The following FNIP2 variants were observed in gnomAD, a reference collection of about 807,000 sequenced individuals.
The protein encoded by FNIP2 is folliculin interacting protein 2.
In FNIP2, 32 loss-of-function variants were observed where a neutral mutation model predicts 108.7. That is an observed-to-expected ratio of 0.29 (90% CI 0.22 to 0.40). FNIP2 has a LOEUF of 0.40. FNIP2 is among the 10% of genes least tolerant of loss of function. The probability of loss-of-function intolerance (pLI) is 1.00; values close to 1 mark genes in which losing one functional copy is unlikely to be tolerated. For missense variants in FNIP2, 1,202 were observed against 1,381.6 expected (o/e 0.87, Z 2.06); for synonymous variants, 480 against 496.7 (o/e 0.97, Z 0.45).
At chr4:158,829,345 A>G in intron 3 of FNIP2, 120 bp downstream of exon 3, 1 of 823,830 alleles carries the variant, frequency 1.2e-6, no homozygotes, top group Non-Finnish European at 1.8e-6. Flanking sequence ...CAAGTATTCA[A>G]CAGAGTACTC....
chr4:158,882,763 C>T (rs1246192334), intron 14 of FNIP2, among the ~76,000 whole-genome samples: 1 of 152,104 alleles, frequency 6.6e-6, no homozygotes, highest in Admixed American at 6.5e-5. Context: ...AAGGGCGGTG[C>T]AAGATGTGCT....
Position 158,825,899 on chromosome 4 carries a change from C to T in FNIP2, c.108-17C>T. 2 of 1,600,300 alleles carry T rather than the reference C, an allele frequency of 1.2e-6. No individual in the cohort carries two copies. The highest frequency in any genetic ancestry group is 1.7e-6 in the Non-Finnish European group (2 of 1,169,806). ...GCTGCAGATAACATAACTTCTTTTG[C>T]CCTTTTTAATCCACAGTTGGTCATG... On this transcript the variant is annotated splice_polypyrimidine_tract_variant and intron_variant, in intron 1 of 16. Transcript: ENST00000264433.
At chr4:158,803,845 G>A (rs556192839) in intron 1 of FNIP2, among the ~76,000 whole-genome samples, 1 of 152,310 alleles carries the variant, frequency 6.6e-6, no homozygotes, top group Middle Eastern at 3.4e-3. Context: ...AATGGAGTGT[G>A]AGTGTATAAG....
chr4:158,769,396 G>A, intron 1 of FNIP2, 77 bp downstream of exon 1: 1 of 1,037,912 alleles, frequency 9.6e-7, no homozygotes, highest in Non-Finnish European at 1.3e-6. Flanking sequence ...GGACGGGTAG[G>A]GGAAAGGGAA....
chr4:158,827,860 T>A (rs1161492318), intron 2 of FNIP2, among the ~76,000 whole-genome samples: 4 of 152,058 alleles, frequency 2.6e-5, no homozygotes, highest in Non-Finnish European at 5.9e-5. Context: ...GCACAAAACG[T>A]CATGAGTTTG....
chr4:158,882,393 G>A (rs867166359), intron 14 of FNIP2, among the ~76,000 whole-genome samples: 4 of 150,762 alleles, frequency 2.7e-5, no homozygotes, highest in South Asian at 2.1e-4. Flanking sequence ...GGGCGCCTCC[G>A]CCCGGCCACC....
At chr4:158,822,262 C>T (rs1006879065) in intron 1 of FNIP2, among the ~76,000 whole-genome samples, 3 of 148,952 alleles carry the variant, frequency 2.0e-5, no homozygotes, top group East Asian at 2.0e-4. Context: ...ACAGCAGCCT[C>T]GACTTCCCGA....
chr4:158,859,654 T>A lies in FNIP2; in HGVS notation c.1136T>A (p.Leu379Gln). 6.2e-7 allele frequency: 1 copy of A among 1,613,022 alleles called. No individual in the cohort carries two copies. Among genetic ancestry groups the A allele is most frequent in the South Asian group, 1.1e-5 (1 of 90,778 alleles). The stretch of plus-strand genomic sequence containing the variant: ...TATGTCAGCCGTTTGATGGAAGCTC[T>A]GGGAGAATTCAGGTAAAGTGGCAAA... ...QFYVSRLMEA[L>Q]GEFRGTIWNL... The change falls in exon 10 of 17, where the codon CTG becomes CAG. Residue 379 changes from leucine (L) to glutamine (Q), a missense_variant. Around this residue, in one of 5 missense-constraint regions of FNIP2, gnomAD observed 878 missense variants for 990.3 expected, o/e 0.89. Transcript: ENST00000264433.
intron 1 of FNIP2, among the ~76,000 whole-genome samples, chr4:158,771,781 A>G (rs552342234): frequency 6.6e-6 from 1 of 152,230 alleles, no homozygotes; most frequent in East Asian, 1.9e-4. Flanking sequence ...TAGAGTTTGT[A>G]TATCTTCTGT....
Position 158,829,205 on chromosome 4 carries a change from G to C in FNIP2, c.361G>C (p.Glu121Gln). Residue 121 changes from glutamate to glutamine, a missense_variant, in exon 3 of 17, where the codon GAA becomes CAA. Physicochemically the swap from Glu to Gln is conservative, Grantham distance 29 (BLOSUM62 2). Around this residue, in one of 5 missense-constraint regions of FNIP2, gnomAD observed 173 missense variants for 165.9 expected, o/e 1.04. Coordinates refer to ENST00000264433, the MANE Select transcript of FNIP2 (RefSeq NM_020840.3). ...SSGGSSHHAK[E>Q]QLPKYQYTRP... The stretch of plus-strand genomic sequence containing the variant: ...TGGGGGATCTTCACATCATGCTAAG[G>C]AACAGCTTCCAAAGTACCAGGTACA... 1 of 1,611,946 alleles carries C rather than the reference G, an allele frequency of 6.2e-7. No individual in the cohort carries two copies. The highest frequency in any genetic ancestry group is 8.5e-7 in the Non-Finnish European group (1 of 1,178,870).
chr4:158,867,960 C>A (rs1377125760), intron 12 of FNIP2, 142 bp from the exon 13 acceptor site: 2 of 1,214,684 alleles, frequency 1.6e-6, no homozygotes, highest in Non-Finnish European at 2.3e-6. Flanking sequence ...GTGGTCCTTA[C>A]TAGAGAGTAG....
intron 8 of FNIP2, among the ~76,000 whole-genome samples, chr4:158,853,347 T>C (rs1779803189): frequency 6.6e-6 from 1 of 152,228 alleles, no homozygotes; most frequent in African/African-American, 2.4e-5. Context: ...CTTACATAGC[T>C]TTATGGACTA....
intron 3 of FNIP2, among the ~76,000 whole-genome samples, chr4:158,831,162 T>C (rs1473165819): frequency 6.6e-6 from 1 of 152,114 alleles, no homozygotes; most frequent in Non-Finnish European, 1.5e-5. Flanking sequence ...AAAGGGTCCA[T>C]TGGATTTGAC....
At chr4:158,821,838 C>T (rs1030890474) in intron 1 of FNIP2, among the ~76,000 whole-genome samples, 2 of 152,074 alleles carry the variant, frequency 1.3e-5, no homozygotes, top group African/African-American at 2.4e-5. Context: ...AGTGTCTCAC[C>T]GCACTTTGGG....
At chr4:158,861,166 G>C (rs1320737524) in intron 10 of FNIP2, among the ~76,000 whole-genome samples, 176 bp from the exon 11 acceptor site, 1 of 152,218 alleles carries the variant, frequency 6.6e-6, no homozygotes, top group African/African-American at 2.4e-5. Flanking sequence ...TACAAAAAAA[G>C]GTGGCAGTCA....
chr4:158,826,557 C>T (rs1290453996), intron 2 of FNIP2, among the ~76,000 whole-genome samples: 2 of 152,112 alleles, frequency 1.3e-5, no homozygotes, highest in Non-Finnish European at 2.9e-5. Context: ...TTTCTCAAAC[C>T]CTTCTGACCA....
chr4:158,807,921 A>G (rs1221689142), intron 1 of FNIP2, among the ~76,000 whole-genome samples: 1 of 152,152 alleles, frequency 6.6e-6, no homozygotes, highest in Admixed American at 6.5e-5. Context: ...TCAGATAAGA[A>G]TTTCACTTTT....
At chr4:158,845,238 T>C (rs1237556939) in intron 7 of FNIP2, among the ~76,000 whole-genome samples, 1 of 152,220 alleles carries the variant, frequency 6.6e-6, no homozygotes, top group Non-Finnish European at 1.5e-5. Flanking sequence ...ACTAAAAGTC[T>C]TGGCATTTGA....
At chr4:158,784,458 C>T (rs1339450315) in intron 1 of FNIP2, among the ~76,000 whole-genome samples, 1 of 152,184 alleles carries the variant, frequency 6.6e-6, no homozygotes, top group East Asian at 1.9e-4. Context: ...GATTCAAGCA[C>T]ATTACATTTA....
Sources: gnomAD v4.1 joint callset for allele counts (sites outside exome capture counted in the v4.1 genomes callset) on GRCh38, gnomAD v4.1.1 for gene constraint, gnomAD v4.1.1 regional missense constraint, MANE v1.5 for transcripts, NCBI Gene and HGNC (gene_info 2026-07-23, HGNC 2026-07-21) for gene names.